Variants in IGFL4 observed in about 807,000 individuals in gnomAD.
The protein encoded by IGFL4 is insulin growth factor-like family member 4.
Under a neutral mutation model 15.4 loss-of-function variants are expected in IGFL4, and 12 were observed. That is an observed-to-expected ratio of 0.78 (90% CI 0.50 to 1.26). The LOEUF (loss-of-function observed/expected upper bound fraction) is 1.26, where lower values mean the gene tolerates loss of function less well. Ranked by LOEUF, IGFL4 falls within the 50% of genes most tolerant of loss-of-function variation. The probability of loss-of-function intolerance (pLI) is 0.00; values close to 1 mark genes in which losing one functional copy is unlikely to be tolerated. For missense variants in IGFL4, 126 were observed against 147.8 expected (o/e 0.85, Z 0.76); for synonymous variants, 54 against 55.9 (o/e 0.97, Z 0.16).
At chr19:46,073,791 A>G (rs1038185550) in intron 1 of IGFL4, among the ~76,000 whole-genome samples, 1 of 152,178 alleles carries the variant, frequency 6.6e-6, no homozygotes, top group Non-Finnish European at 1.5e-5. Context: ...TTATAGACTC[A>G]CAATCTCAAC....
chr19:46,040,703 G>C lies in IGFL4; in HGVS notation c.20-135C>G. ...GATTTTGGGACTGGCTGTGGGTGCA[G>C]GTCCTGGGGACTGGGCTTGGCAGGT... On this transcript the variant is annotated intron_variant, in intron 1 of 3. Transcript: ENST00000377697. This position sits in a 1 kb window ranked among gnomAD's most constrained non-coding sequence, Gnocchi z 4.1. 1 of 1,081,696 alleles carries C rather than the reference G, an allele frequency of 9.2e-7. No individual in the cohort carries two copies. The highest frequency in any genetic ancestry group is 1.4e-6 in the Non-Finnish European group (1 of 719,972). The allele number at this position is 1,081,696 out of a possible 1,614,324, so 67.0% of individuals were successfully genotyped here.
intron 1 of IGFL4, among the ~76,000 whole-genome samples, chr19:46,066,097 G>A (rs1024692983): frequency 1.3e-5 from 2 of 152,146 alleles, no homozygotes; most frequent in African/African-American, 2.4e-5. Flanking sequence ...CTGGTGAAGC[G>A]TGAGCTTGTA....
chr19:46,064,635 G>T (rs1969477613), intron 1 of IGFL4, among the ~76,000 whole-genome samples: 1 of 152,136 alleles, frequency 6.6e-6, no homozygotes, highest in South Asian at 2.1e-4. Flanking sequence ...TATCCATGTT[G>T]TTGCAAATGG....
At chr19:46,069,031 G>A (rs562545316) in intron 1 of IGFL4, among the ~76,000 whole-genome samples, 15 of 152,290 alleles carry the variant, frequency 9.8e-5, no homozygotes, top group African/African-American at 3.1e-4. Flanking sequence ...GTTCTGGATC[G>A]GGGCTGCTGG....
chr19:46,071,148 CT>C (rs1969542335), intron 1 of IGFL4, among the ~76,000 whole-genome samples: 1 of 141,834 alleles, frequency 7.1e-6, no homozygotes, highest in Non-Finnish European at 1.5e-5. Flanking sequence ...TTTTTTTTTT[CT>C]TTTTTTCTCT....
At chr19:46,051,520 G>A (rs1969344718) in intron 2 of IGFL4, among the ~76,000 whole-genome samples, 1 of 152,124 alleles carries the variant, frequency 6.6e-6, no homozygotes, top group Non-Finnish European at 1.5e-5. Flanking sequence ...ACTCCAACCT[G>A]GGTGACGGAG....
intron 1 of IGFL4, among the ~76,000 whole-genome samples, chr19:46,062,570 C>T (rs761600765): frequency 4.6e-5 from 7 of 152,170 alleles, no homozygotes; most frequent in Non-Finnish European, 8.8e-5. Context: ...ACTGCCACAT[C>T]GTTACAAGGT....
Position 46,040,498 on chromosome 19 carries a change from C to A in IGFL4, c.70+20G>T, listed in dbSNP as rs373582978. The A allele has an allele frequency of 6.2e-7, 1 of 1,614,140 alleles. No homozygotes were observed. The highest frequency in any genetic ancestry group is 8.5e-7 in the Non-Finnish European group (1 of 1,179,976). On this transcript the variant is annotated intron_variant, in intron 2 of 3. Coordinates refer to ENST00000377697, the MANE Select transcript of IGFL4 (RefSeq NM_001002923.3). The surrounding 1 kb of genome is among the most constrained non-coding windows in gnomAD (Gnocchi z 4.1). Reference sequence around the variant, plus strand: ...CAACCTTAATGCTGTTCTCTCCTCCCTCACTGCATCTGTTCTCACCTGTGA... The same window carrying A: ...CAACCTTAATGCTGTTCTCTCCTCCATCACTGCATCTGTTCTCACCTGTGA...
At chr19:46,061,788 C>A (rs1012968496) in intron 1 of IGFL4, among the ~76,000 whole-genome samples, 2 of 152,160 alleles carry the variant, frequency 1.3e-5, no homozygotes, top group Non-Finnish European at 2.9e-5. Context: ...CATTTCCATA[C>A]TTTTTAGGTG....
At chr19:46,049,355 G>A (rs1911205957) in intron 2 of IGFL4, among the ~76,000 whole-genome samples, 1 of 152,186 alleles carries the variant, frequency 6.6e-6, no homozygotes, top group Non-Finnish European at 1.5e-5. Context: ...CAGCTGGGAG[G>A]CTTGTAGCCT....
At chr19:46,044,446 T>G (rs943419556), upstream of IGFL4, among the ~76,000 whole-genome samples, 3 of 152,244 alleles carry the variant, frequency 2.0e-5, no homozygotes, top group Admixed American at 6.5e-5. Flanking sequence ...TGGCTTGGAA[T>G]TCCAGCCAGC....
chr19:46,047,530 C>T (rs531337834), intron 2 of IGFL4, among the ~76,000 whole-genome samples: 34 of 151,966 alleles, frequency 2.2e-4, no homozygotes, highest in African/African-American at 8.0e-4. Flanking sequence ...GCTAGCCAGA[C>T]TAATGAAGAA....
intron 2 of IGFL4, among the ~76,000 whole-genome samples, chr19:46,049,196 T>TG (rs1969323570): frequency 6.6e-6 from 1 of 152,198 alleles, no homozygotes; most frequent in Non-Finnish European, 1.5e-5. Flanking sequence ...GAGAAGCATG[T>TG]GGAGACCCAC....
intron 2 of IGFL4, among the ~76,000 whole-genome samples, chr19:46,053,811 C>A (rs571121223): frequency 6.6e-6 from 1 of 152,180 alleles, no homozygotes; most frequent in East Asian, 1.9e-4. Flanking sequence ...TAATAGCTAA[C>A]CTAACTCAGG....
intron 1 of IGFL4, among the ~76,000 whole-genome samples, chr19:46,072,954 C>G (rs1480086350): frequency 6.6e-6 from 1 of 152,028 alleles, no homozygotes; most frequent in African/African-American, 2.4e-5. Flanking sequence ...GAAATACAGA[C>G]TCAAGAAAAC....
At chr19:46,073,456 C>A (rs189054268) in intron 1 of IGFL4, among the ~76,000 whole-genome samples, 17 of 152,182 alleles carry the variant, frequency 1.1e-4, no homozygotes, top group African/African-American at 4.1e-4. Context: ...CATAGGAAGC[C>A]TTGGGGCCCT....
At chr19:46,058,104 T>TCCAAA (rs1469660077) in intron 2 of IGFL4, 1 of 152,136 alleles carries the variant, frequency 6.6e-6, no homozygotes, top group African/African-American at 2.4e-5. Flanking sequence ...AAGTCCATAG[T>TCCAAA]CCAAAGTCTC....
rs540508883 is a variant in IGFL4, at chr19:46,054,401, A to C, written c.-323+5784T>G. On this transcript the variant is annotated intron_variant, in intron 2 of 5. Transcript: ENST00000601672. ...TGAGTGTTCCTGGCACCTTTGTCAA[A>C]ATCAGTTGGCTATAGATACTTGGAT... Among the ~76,000 whole-genome samples the C allele has an allele frequency of 1.1e-4, 17 of 152,262 alleles. No individual in the cohort carries two copies. The South Asian group carries it at 3.1e-3, about 28-fold the overall frequency.
At chr19:46,057,741 G>C (rs1250734126) in intron 2 of IGFL4, 1 of 152,156 alleles carries the variant, frequency 6.6e-6, no homozygotes, top group African/African-American at 2.4e-5. Flanking sequence ...CACAATCATG[G>C]AGGAAGGCAA....
Sources: gnomAD v4.1 joint callset for allele counts (sites outside exome capture counted in the v4.1 genomes callset) on GRCh38, gnomAD v4.1.1 for gene constraint, Gnocchi (gnomAD v3.1) non-coding constraint, MANE v1.5 for transcripts, NCBI Gene and HGNC (gene_info 2026-07-23, HGNC 2026-07-21) for gene names.